TIA1: variants seen among roughly 807,000 people sequenced by gnomAD.
TIA1 encodes the protein TIA1 cytotoxic granule associated RNA binding protein.
Under a neutral mutation model 65.9 loss-of-function variants are expected in TIA1, and 23 were observed. The ratio of observed to expected loss-of-function variants is 0.35; its 90% confidence interval spans 0.25 to 0.49. TIA1 has a LOEUF of 0.49. Ranked by LOEUF, TIA1 falls within the 20% of genes least tolerant of loss-of-function variation. TIA1 has a pLI of 0.98. For missense variants in TIA1, 371 were observed against 477.9 expected, an observed-to-expected ratio of 0.78 and a Z score of 2.09; for synonymous variants, 147 against 149.4, an observed-to-expected ratio of 0.98 and a Z score of 0.12.
At chr2:70,248,013 AAAGAT>A (rs1695201788) in intron 1 of TIA1, among the ~76,000 whole-genome samples, 1 of 151,970 alleles carries the variant, frequency 6.6e-6, no homozygotes, top group Non-Finnish European at 1.5e-5. Context: ...AGACGGCTGT[AAAGAT>A]AAGAAGAGGT....
intron 1 of TIA1, among the ~76,000 whole-genome samples, chr2:70,244,928 G>A (rs2104772162): frequency 6.6e-6 from 1 of 152,122 alleles, no homozygotes; most frequent in Non-Finnish European, 1.5e-5. Context: ...TTTGGAGAGT[G>A]GAGTAGACAA....
In TIA1 at chr2:70,211,384, TTATC is replaced by T. The variant is rs900635353; in HGVS notation, c.*1331_*1334del. On this transcript the variant is annotated 3_prime_UTR_variant, in exon 13 of 13. Transcript: ENST00000433529. Reference sequence around the variant, plus strand: ...AATAATGATTGCACTGAGGATTCTCTTATCTGAAGGCTGTTTAAAGAGGTAGGAT... The same window carrying T: ...AATAATGATTGCACTGAGGATTCTCTTGAAGGCTGTTTAAAGAGGTAGGAT... The T allele has an allele frequency of 6.6e-6, 1 of 152,156 alleles. No individual in the cohort carries two copies. The highest frequency in any genetic ancestry group is 1.5e-5 in the Non-Finnish European group (1 of 68,036). 9.4% of individuals were successfully genotyped at this position (152,156 alleles called of 1,614,324 possible).
chr2:70,244,288 T>TCTATAAATATCCA (rs1693233942), intron 1 of TIA1, among the ~76,000 whole-genome samples: 1 of 152,140 alleles, frequency 6.6e-6, no homozygotes, highest in African/African-American at 2.4e-5. Context: ...CACCCCTTCC[T>TCTATAAATATCCA]CCTTACCATG....
chr2:70,228,855 G>A (rs1684872500), intron 5 of TIA1: 18 of 1,432,638 alleles, frequency 1.3e-5, no homozygotes, highest in Non-Finnish European at 1.6e-5. Flanking sequence ...TACCAAACGG[G>A]TCAGAAAGCT....
chr2:70,225,390 C>T, intron 6 of TIA1: 1 of 1,288,780 alleles, frequency 7.8e-7, no homozygotes, highest in Non-Finnish European at 1.0e-6. Context: ...TCTTCAGAGA[C>T]ACTCTGCAAA....
intron 6 of TIA1, chr2:70,224,842 T>C: frequency 2.3e-6 from 3 of 1,308,302 alleles, no homozygotes; most frequent in Non-Finnish European, 2.9e-6. Flanking sequence ...TATATGTATA[T>C]TTATATTGTA....
intron 7 of TIA1, among the ~76,000 whole-genome samples, chr2:70,222,156 A>AC (rs2104196039): frequency 6.6e-6 from 1 of 152,168 alleles, no homozygotes; most frequent in Non-Finnish European, 1.5e-5. Context: ...AACAAAAAAA[A>AC]AACAATGAAG....
At chr2:70,213,808 C>T (rs1011775753) in intron 12 of TIA1, among the ~76,000 whole-genome samples, 3 of 152,122 alleles carry the variant, frequency 2.0e-5, no homozygotes, top group African/African-American at 7.2e-5. Flanking sequence ...TGCACCACTA[C>T]ACCTGGCTAA....
intron 3 of TIA1, among the ~76,000 whole-genome samples, chr2:70,229,945 A>C (rs112766434): frequency 6.6e-6 from 1 of 151,658 alleles, no homozygotes. Flanking sequence ...CTCAAAAAAA[A>C]AAAACAAAAA....
intron 5 of TIA1, chr2:70,228,540 C>G (rs545164348): frequency 4.2e-5 from 47 of 1,115,710 alleles, no homozygotes; most frequent in Non-Finnish European, 3.3e-6. Flanking sequence ...GAGAAATAAC[C>G]AACCCATATC....
chr2:70,238,491 C>T (rs564319171), intron 1 of TIA1, among the ~76,000 whole-genome samples: 4 of 151,356 alleles, frequency 2.6e-5, no homozygotes, highest in African/African-American at 7.3e-5. Flanking sequence ...CAGGCTGGTA[C>T]CCCCAATTTT....
At chr2:70,213,918 C>T (rs779432161) in intron 12 of TIA1, among the ~76,000 whole-genome samples, 33 of 152,200 alleles carry the variant, frequency 2.2e-4, no homozygotes, top group Non-Finnish European at 4.1e-4. Context: ...TCCCAAAATG[C>T]TGGGATTACA....
chr2:70,241,555 G>T (rs1265224271), intron 1 of TIA1, among the ~76,000 whole-genome samples: 2 of 152,178 alleles, frequency 1.3e-5, no homozygotes, highest in Admixed American at 1.3e-4. Context: ...TCCTGAGTGT[G>T]AGCTAGCCTC....
chr2:70,240,442 T>A (rs1314480979), intron 1 of TIA1, among the ~76,000 whole-genome samples: 1 of 152,132 alleles, frequency 6.6e-6, no homozygotes, highest in East Asian at 1.9e-4. Context: ...TGTTCTTGAA[T>A]AAAAGGGAGT....
chr2:70,214,544 C>A, intron 11 of TIA1, 50 bp from the exon 12 acceptor site: 1 of 1,409,342 alleles, frequency 7.1e-7, no homozygotes, highest in Admixed American at 2.4e-5. Flanking sequence ...TATATACAAT[C>A]CTAATATGCT....
chr2:70,216,122 G>A, intron 10 of TIA1, 86 bp downstream of exon 10: 3 of 1,137,480 alleles, frequency 2.6e-6, no homozygotes, highest in African/African-American at 1.6e-5. Context: ...AAATATTTTG[G>A]AGGAAAAAGT....
chr2:70,228,916 G>C, intron 5 of TIA1, 143 bp downstream of exon 5: 1 of 1,455,868 alleles, frequency 6.9e-7, no homozygotes, highest in East Asian at 2.6e-5. Flanking sequence ...ACACTGAGAA[G>C]GGAGAAAAGT....
At chr2:70,225,360 G>C in intron 6 of TIA1, 1 of 1,288,346 alleles carries the variant, frequency 7.8e-7, no homozygotes, top group Non-Finnish European at 1.0e-6. Context: ...CTTGTAGTTA[G>C]CCAGGGCAAT....
At position 70,227,892 on chromosome 2, in the gene TIA1, A is replaced by G. The variant is rs551716030; in HGVS notation, c.311-70T>C. The G allele has an allele frequency of 4.1e-5, 42 of 1,033,344 alleles. No individual in the cohort carries two copies. The East Asian group carries it at 9.9e-4, about 24-fold the overall frequency. 64.0% of individuals were successfully genotyped at this position (1,033,344 alleles called of 1,614,324 possible). On this transcript the variant is annotated intron_variant, in intron 5 of 12. Coordinates refer to ENST00000433529, the MANE Select transcript of TIA1 (RefSeq NM_022173.4). ...TAGAATTTAAAAAGTACTAAAATCTATCCAATAAAGTATTCTTAAAATGAT... is the reference window on the plus strand; with the variant it reads ...TAGAATTTAAAAAGTACTAAAATCTGTCCAATAAAGTATTCTTAAAATGAT...
Sources: gnomAD v4.1 joint callset for allele counts (sites outside exome capture counted in the v4.1 genomes callset) on GRCh38, gnomAD v4.1.1 for gene constraint, MANE v1.5 for transcripts, NCBI Gene and HGNC (gene_info 2026-07-23, HGNC 2026-07-21) for gene names.